Variants in ZNF765 observed in about 807,000 individuals in gnomAD.
ZNF765 encodes zinc finger protein 765.
A neutral mutation model predicts 44.7 loss-of-function variants in ZNF765; 37 were observed. The ratio of observed to expected loss-of-function variants is 0.83; its 90% CI spans 0.64 to 1.09. The LOEUF is 1.09. Among genes scored for constraint, ZNF765 ranks in the 50% least tolerant of loss-of-function variants. The probability of loss-of-function intolerance (pLI) is 0.00; values close to 1 mark genes in which losing one functional copy is unlikely to be tolerated. For synonymous variants in ZNF765, 201 were observed against 213.7 expected (o/e 0.94, Z 0.52); for missense variants, 594 against 626.1 (o/e 0.95, Z 0.55).
chr19:53,396,110 G>A (rs1213412196), intron 1 of ZNF765, among the ~76,000 whole-genome samples: 2 of 151,628 alleles, frequency 1.3e-5, no homozygotes, highest in Non-Finnish European at 3.0e-5. Flanking sequence ...AAAGAGGGAG[G>A]CTCATCAGAG....
chr19:53,418,623 A>C (rs1409392240), intron 3 of ZNF765, among the ~76,000 whole-genome samples: 2 of 152,144 alleles, frequency 1.3e-5, no homozygotes, highest in African/African-American at 4.8e-5. Flanking sequence ...ATGGCCGGGC[A>C]TCGGGGCTCA....
At chr19:53,396,027 C>T (rs942003272) in intron 1 of ZNF765, among the ~76,000 whole-genome samples, 3 of 148,792 alleles carry the variant, frequency 2.0e-5, no homozygotes, top group African/African-American at 7.4e-5. Flanking sequence ...AGAAAAGCAA[C>T]TGGAGAAATG....
intron 2 of ZNF765, among the ~76,000 whole-genome samples, chr19:53,399,154 A>G (rs2085698186): frequency 1.3e-5 from 2 of 151,930 alleles, no homozygotes; most frequent in Non-Finnish European, 2.9e-5. Context: ...TTACATATGT[A>G]TACATGTGCC....
At chr19:53,424,287 T>TAAAAAAAAAAAA (rs3040542) in exon 4 of ZNF765, 1 of 136,816 alleles carries the variant, frequency 7.3e-6, no homozygotes, top group East Asian at 2.1e-4. Flanking sequence ...TCATCTCTAC[T>TAAAAAAAAAAAA]AAAAAAAAAA....
intron 2 of ZNF765, among the ~76,000 whole-genome samples, chr19:53,398,835 C>T (rs1457323421): frequency 6.6e-6 from 1 of 152,098 alleles, no homozygotes; most frequent in East Asian, 1.9e-4. Flanking sequence ...CAGCAACCTC[C>T]ACCTTCCGGG....
downstream of ZNF765, among the ~76,000 whole-genome samples, chr19:53,416,971 C>G (rs1243010884): frequency 6.6e-6 from 1 of 152,040 alleles, no homozygotes; most frequent in Non-Finnish European, 1.5e-5. Context: ...GCGCGCACCA[C>G]CACGTCCAGC....
Position 53,409,796 on chromosome 19 carries a change from T to A in ZNF765, c.*669T>A. 1.3e-6 allele frequency: 1 copy of A among 769,408 alleles called. No individual in the cohort carries two copies. Among genetic ancestry groups the A allele is most frequent in the East Asian group, 2.8e-5 (1 of 35,922 alleles). 47.7% of individuals were successfully genotyped at this position (769,408 alleles called of 1,614,324 possible). On this transcript the variant is annotated 3_prime_UTR_variant, in exon 4 of 4. Coordinates refer to ENST00000396408, the MANE Select transcript of ZNF765 (RefSeq NM_001040185.3). ...AGAGATACCTTAAAAGTGTAGTGAG[T>A]GTGGCAAGACCTTTAGTCTGAAGTC...
chr19:53,416,908 C>T (rs2085878391), downstream of ZNF765, among the ~76,000 whole-genome samples: 1 of 151,768 alleles, frequency 6.6e-6, no homozygotes, highest in African/African-American at 2.4e-5. Flanking sequence ...ACCTCTGCCT[C>T]GCAGGTTTGA....
In ZNF765 at chr19:53,408,306, G is replaced by T; in HGVS notation, c.751G>T (p.Val251Phe). 1 of 1,614,188 alleles carries T rather than the reference G, an allele frequency of 6.2e-7. No homozygotes were observed. Among genetic ancestry groups the T allele is most frequent in the Non-Finnish European group, 8.5e-7 (1 of 1,180,048 alleles). Residue 251 changes from valine to phenylalanine, a missense_variant, in exon 4 of 4, where the codon GTC becomes TTC. Physicochemically the swap from Val to Phe is conservative, Grantham distance 50. Coordinates refer to ENST00000396408, the MANE Select transcript of ZNF765 (RefSeq NM_001040185.3). ...ATATAAATGCGATATATGTGGCAAG[G>T]TCTTTAATTCGAAGCGATACGTTGC... The part of the protein sequence containing the change: ...KQYKCDICGK[V>F]FNSKRYVARH...
rs118018228 is a variant in ZNF765, at chr19:53,421,899, A to T, written c.143-1163A>T. On this transcript the variant is annotated intron_variant, in intron 3 of 3. Transcript: ENST00000594030. Reference sequence around the variant, plus strand: ...GTTAAGACATGATATCAGAATGTCCATTAATTCCTGTGGTAGGTGCCATCG... The same window carrying T: ...GTTAAGACATGATATCAGAATGTCCTTTAATTCCTGTGGTAGGTGCCATCG... 3.9e-3 allele frequency among the ~76,000 whole-genome samples: 592 copies of T among 152,342 alleles called. 20 individuals carry two copies. The East Asian group carries it at 0.09, about 23-fold the overall frequency.
chr19:53,397,907 A>G (rs982891668), intron 1 of ZNF765, 36 bp from the exon 2 acceptor site: 2 of 1,538,450 alleles, frequency 1.3e-6, no homozygotes, highest in African/African-American at 2.7e-5. Flanking sequence ...GGATATGTTG[A>G]TTCTGAGCAA....
In ZNF765 at chr19:53,408,429, C is replaced by A. The variant is rs1410428300; in HGVS notation, c.874C>A (p.Leu292Ile). 1 of 1,613,680 alleles carries A rather than the reference C, an allele frequency of 6.2e-7. No homozygotes were observed. The highest frequency in any genetic ancestry group is 8.5e-7 in the Non-Finnish European group (1 of 1,179,944). Residue 292 changes from leucine (L) to isoleucine (I), a missense_variant, in exon 4 of 4, where the codon CTT becomes ATT. By Grantham distance (5) the Leu-to-Ile change is conservative. Transcript: ENST00000396408. ...ATATTACCTAACATGCCATCGTAGACTTCATACTGGAGAGAAACCTTACAA... is the reference window on the plus strand; with the variant it reads ...ATATTACCTAACATGCCATCGTAGAATTCATACTGGAGAGAAACCTTACAA... ...QTYYLTCHRR[L>I]HTGEKPYKCE...
rs549971008 is a variant in ZNF765 at position 53,411,572 on chromosome 19, G to C, written c.*2445G>C. 6.6e-6 allele frequency: 1 copy of C among 152,358 alleles called. No homozygotes were observed. Among genetic ancestry groups the C allele is most frequent in the East Asian group, 1.9e-4 (1 of 5,198 alleles). 9.4% of individuals were successfully genotyped at this position (152,358 alleles called of 1,614,324 possible). On this transcript the variant is annotated 3_prime_UTR_variant, in exon 4 of 4. Coordinates refer to ENST00000396408, the MANE Select transcript of ZNF765 (RefSeq NM_001040185.3). ...CTCCCAAAGTGCTGGGATTACAGGC[G>C]TGAGCCACTGCGCCCAGCCCCAGTG...
At chr19:53,423,381 G>A (rs1168666567) in exon 4 of ZNF765, 3 of 581,674 alleles carry the variant, frequency 5.2e-6, no homozygotes, top group African/African-American at 3.8e-5. Context: ...CTCATGCTCT[G>A]GGGCAGCAGC....
intron 1 of ZNF765, among the ~76,000 whole-genome samples, chr19:53,396,249 A>G (rs117552714): frequency 0.66 from 98,371 of 149,910 alleles, 32,255 homozygotes; most frequent in African/African-American, 0.68. Flanking sequence ...AGTGGGGATG[A>G]GGGTATAACA....
intron 3 of ZNF765, among the ~76,000 whole-genome samples, chr19:53,422,246 G>C (rs563004277): frequency 5.3e-5 from 8 of 152,320 alleles, no homozygotes; most frequent in African/African-American, 1.7e-4. Context: ...AACTGGCTTT[G>C]ACAGTAGAGC....
intron 2 of ZNF765, among the ~76,000 whole-genome samples, chr19:53,399,967 A>G (rs998243238): frequency 9.2e-5 from 14 of 152,044 alleles, no homozygotes; most frequent in African/African-American, 3.4e-4. Flanking sequence ...GGGGCCTGCT[A>G]CCATGCCTTG....
chr19:53,418,590 G>A (rs1057416283), intron 3 of ZNF765, among the ~76,000 whole-genome samples: 2 of 152,006 alleles, frequency 1.3e-5, no homozygotes, highest in Admixed American at 6.5e-5. Flanking sequence ...TGGAATAGAA[G>A]GAGGTATATA....
At chr19:53,419,281 T>C (rs987773925) in intron 3 of ZNF765, among the ~76,000 whole-genome samples, 4 of 152,166 alleles carry the variant, frequency 2.6e-5, no homozygotes, top group Non-Finnish European at 5.9e-5. Flanking sequence ...ACCCACATAC[T>C]GGAAATGATT....
Sources: allele counts gnomAD v4.1 joint callset (sites outside exome capture counted in the v4.1 genomes callset), GRCh38; gene constraint gnomAD v4.1.1; transcripts MANE v1.5; gene names NCBI Gene and HGNC (gene_info 2026-07-23, HGNC 2026-07-21).